The following ULK2 variants were observed in gnomAD, a reference collection of about 807,000 sequenced individuals.
ULK2 encodes the protein serine/threonine-protein kinase ULK2.
In ULK2, 76 loss-of-function variants were observed where a neutral mutation model predicts 127.5. The ratio of observed to expected loss-of-function variants is 0.60; its 90% CI spans 0.50 to 0.72. The LOEUF (loss-of-function observed/expected upper bound fraction) is 0.72, where lower values mean the gene tolerates loss of function less well. Ranked by LOEUF, ULK2 falls within the 30% of genes least tolerant of loss-of-function variation. ULK2 has a pLI of 0.00. For synonymous variants in ULK2, 452 were observed against 461.9 expected (o/e 0.98, Z 0.28); for missense variants, 1,144 against 1,295.9 (o/e 0.88, Z 1.80).
At chr17:19,857,956 T>C (rs2042166982) in intron 3 of ULK2, among the ~76,000 whole-genome samples, 2 of 152,090 alleles carry the variant, frequency 1.3e-5, no homozygotes, top group Non-Finnish European at 2.9e-5. Context: ...TTTTCTCCCA[T>C]TAACCCCCAC....
intron 26 of ULK2, among the ~76,000 whole-genome samples, chr17:19,777,230 G>C (rs1312607897): frequency 6.6e-6 from 1 of 152,084 alleles, no homozygotes; most frequent in Non-Finnish European, 1.5e-5. Context: ...TCAGCCTCCC[G>C]AGCAGTGGAG....
Position 19,867,754 on chromosome 17 carries a change from G to C in ULK2, c.-337C>G, listed in dbSNP as rs554775436. On this transcript the variant is annotated 5_prime_UTR_variant, in exon 1 of 27. Transcript: ENST00000395544. ...GCCCAGAGCCGCACACGCGCTCTGA[G>C]GCAGTGAGGGGCCCGGTACTCTCCA... 3.1e-5 allele frequency: 5 copies of C among 159,434 alleles called. No homozygotes were observed. The highest frequency in any genetic ancestry group is 6.8e-5 in the Non-Finnish European group (5 of 73,318). 9.9% of individuals were successfully genotyped at this position (159,434 alleles called of 1,614,324 possible).
chr17:19,804,477 T>C (rs1340291324), intron 15 of ULK2, among the ~76,000 whole-genome samples: 1 of 151,048 alleles, frequency 6.6e-6, no homozygotes, highest in Non-Finnish European at 1.5e-5. Flanking sequence ...ATATAAAATA[T>C]ATACAAATAT....
chr17:19,772,592 C>T lies in ULK2; in HGVS notation c.*3757G>A, dbSNP rs1031457088. The T allele has an allele frequency of 6.6e-6, 1 of 152,152 alleles. No homozygotes were observed. Among genetic ancestry groups the T allele is most frequent in the African/African-American group, 2.4e-5 (1 of 41,434 alleles). 9.4% of individuals were successfully genotyped at this position (152,152 alleles called of 1,614,324 possible). On this transcript the variant is annotated 3_prime_UTR_variant, in exon 27 of 27. Coordinates refer to ENST00000395544, the MANE Select transcript of ULK2 (RefSeq NM_014683.4). ...AATACTGATCAATCTTGCTTTATTC[C>T]AGAAAGAATTTAAGACTGCTTATAG...
intron 10 of ULK2, among the ~76,000 whole-genome samples, chr17:19,834,517 A>T (rs1339302945): frequency 6.6e-6 from 1 of 151,974 alleles, no homozygotes; most frequent in African/African-American, 2.4e-5. Context: ...CAAAAAAGAG[A>T]TACAAAAAAT....
chr17:19,867,291 C>A, intron 1 of ULK2, 37 bp downstream of exon 1: 1 of 1,501,012 alleles, frequency 6.7e-7, no homozygotes, highest in African/African-American at 1.4e-5. Flanking sequence ...CCCGTGCCTG[C>A]CGCCCGGGGC....
At chr17:19,854,625 T>G (rs973325662) in intron 3 of ULK2, among the ~76,000 whole-genome samples, 1 of 152,124 alleles carries the variant, frequency 6.6e-6, no homozygotes, top group African/African-American at 2.4e-5. Context: ...ATTATCCCTT[T>G]GTACATAACT....
intron 10 of ULK2, among the ~76,000 whole-genome samples, chr17:19,828,383 T>C (rs1567707586): frequency 6.6e-6 from 1 of 152,216 alleles, no homozygotes; most frequent in Non-Finnish European, 1.5e-5. Flanking sequence ...TAATTTTGGT[T>C]TGTAACTTCA....
At position 19,780,501 on chromosome 17, in the gene ULK2, T is replaced by A. The variant is rs974638977; in HGVS notation, c.2887A>T (p.Lys963Ter). The A allele has an allele frequency of 1.2e-6, 2 of 1,613,268 alleles. No individual in the cohort carries two copies. Among genetic ancestry groups the A allele is most frequent in the Non-Finnish European group, 1.7e-6 (2 of 1,179,774 alleles). ...IDEINSVTAE[K>*]LIYNCAVEMV... ...TCTACAGCACAATTATAGATGAGTTTCTCTGCAGTCACACTGTTGATTTCA... is the reference window on the plus strand; with the variant it reads ...TCTACAGCACAATTATAGATGAGTTACTCTGCAGTCACACTGTTGATTTCA... The change falls in exon 25 of 27, where the codon AAA (lysine) becomes TAA (stop). Residue 963 changes from lysine (K) to a stop codon, truncating the protein, a stop_gained. Coordinates refer to ENST00000395544, the MANE Select transcript of ULK2 (RefSeq NM_014683.4). LOFTEE classifies it high-confidence loss of function.
chr17:19,846,335 T>G (rs2041881764), intron 6 of ULK2, among the ~76,000 whole-genome samples: 1 of 151,774 alleles, frequency 6.6e-6, no homozygotes, highest in Admixed American at 6.6e-5. Flanking sequence ...AATATCAGAT[T>G]GCATCAATAA....
rs149796612 is a variant in ULK2, at chr17:19,820,336, C to T, written c.925-3416G>A. Among the ~76,000 whole-genome samples the T allele has an allele frequency of 4.5e-3, 680 of 152,272 alleles. 4 individuals carry two copies. Among genetic ancestry groups the T allele is most frequent in the Middle Eastern group, 0.014 (4 of 294 alleles). ...TGCTGGGATTACAGGCGTGAGCCAC[C>T]GTGTCCGGCCTAGCTCACTACAACT... On this transcript the variant is annotated intron_variant, in intron 12 of 26. Coordinates refer to ENST00000395544, the MANE Select transcript of ULK2 (RefSeq NM_014683.4).
chr17:19,780,461 G>A lies in ULK2; in HGVS notation c.2916+11C>T. ...TAGTACTATACAATATTAAACCTTA[G>A]AAAGGGTTACCATTTCTACAGCACA... On this transcript the variant is annotated intron_variant, in intron 25 of 26. Coordinates refer to ENST00000395544, the MANE Select transcript of ULK2 (RefSeq NM_014683.4). The A allele has an allele frequency of 6.2e-7, 1 of 1,604,052 alleles. No homozygotes were observed. The highest frequency in any genetic ancestry group is 8.5e-7 in the Non-Finnish European group (1 of 1,175,966).
intron 10 of ULK2, among the ~76,000 whole-genome samples, chr17:19,831,701 C>G (rs1339059758): frequency 6.6e-6 from 1 of 151,466 alleles, no homozygotes; most frequent in African/African-American, 2.4e-5. Flanking sequence ...GTGGTGGGCA[C>G]CTGTAATCCC....
intron 13 of ULK2, among the ~76,000 whole-genome samples, chr17:19,815,862 TAAAAAAAAGAAAAAAG>T (rs1431479392): frequency 1.3e-5 from 2 of 151,196 alleles, no homozygotes; most frequent in African/African-American, 2.4e-5. Context: ...TAACAAAATT[TAAAAAAAAGAAAAAAG>T]AAAAAAAAGA....
chr17:19,776,437 T>A (rs1259949856), intron 26 of ULK2, 30 bp from the exon 27 acceptor site: 3 of 1,544,820 alleles, frequency 1.9e-6, no homozygotes, highest in Admixed American at 3.9e-5. Flanking sequence ...AATGAAGAAC[T>A]AATGAAAAAA....
intron 10 of ULK2, 140 bp from the exon 11 acceptor site, chr17:19,826,326 T>C: frequency 2.6e-6 from 1 of 391,240 alleles, no homozygotes; most frequent in Non-Finnish European, 4.8e-6. Flanking sequence ...TTCCTTTAAA[T>C]GTAAAAGCGT....
intron 3 of ULK2, among the ~76,000 whole-genome samples, chr17:19,857,588 C>T (rs371596926): frequency 2.0e-5 from 3 of 152,040 alleles, no homozygotes; most frequent in South Asian, 2.1e-4. Flanking sequence ...CTTTTTCTTG[C>T]GATACTAAAA....
intron 1 of ULK2, among the ~76,000 whole-genome samples, chr17:19,866,345 C>CAA (rs557559781): frequency 7.2e-4 from 101 of 139,600 alleles, no homozygotes; most frequent in Non-Finnish European, 1.1e-3. Context: ...ACTAAAAATA[C>CAA]AAAAAAAAAA....
intron 12 of ULK2, among the ~76,000 whole-genome samples, chr17:19,820,761 T>C (rs1282907886): frequency 1.3e-5 from 2 of 152,224 alleles, no homozygotes; most frequent in Non-Finnish European, 2.9e-5. Flanking sequence ...GCAATCTTTC[T>C]TCAAAACTCA....
Sources: gnomAD v4.1 joint callset for allele counts (sites outside exome capture counted in the v4.1 genomes callset) on GRCh38, gnomAD v4.1.1 for gene constraint, MANE v1.5 for transcripts, NCBI Gene and HGNC (gene_info 2026-07-23, HGNC 2026-07-21) for gene names.